The following GRM5 variants were observed in gnomAD, a reference collection of about 807,000 sequenced individuals.
The protein encoded by GRM5 is glutamate metabotropic receptor 5, also known as metabotropic glutamate receptor 5.
In GRM5, 19 loss-of-function variants were observed where a neutral mutation model predicts 83.1. That is an observed-to-expected ratio of 0.23 (90% confidence interval 0.16 to 0.34). The LOEUF is 0.34. Among genes scored for constraint, GRM5 ranks in the 10% least tolerant of loss-of-function variants. The pLI, the probability that GRM5 is intolerant of heterozygous loss-of-function variation, is 1.00. For synonymous variants in GRM5, 675 were observed against 633.6 expected (o/e 1.07, Z -0.98); for missense variants, 1,160 against 1,588.3 (o/e 0.73, Z 4.58).
intron 4 of GRM5, among the ~76,000 whole-genome samples, chr11:88,635,103 T>G (rs1318920053): frequency 6.6e-6 from 1 of 152,226 alleles, no homozygotes; most frequent in Non-Finnish European, 1.5e-5. Flanking sequence ...TTCCACCTCT[T>G]GGCTATTGCA....
intron 2 of GRM5, among the ~76,000 whole-genome samples, chr11:88,974,128 G>A (rs1939253479): frequency 6.6e-6 from 1 of 152,086 alleles, no homozygotes; most frequent in African/African-American, 2.4e-5. Flanking sequence ...AGAGAATAGA[G>A]AAAGATGATA....
chr11:88,718,075 A>G (rs924649507), intron 3 of GRM5, among the ~76,000 whole-genome samples: 5 of 151,874 alleles, frequency 3.3e-5, no homozygotes, highest in African/African-American at 1.2e-4. Context: ...GTTACCATAC[A>G]AGATCCTTTG....
intron 2 of GRM5, among the ~76,000 whole-genome samples, chr11:88,954,331 A>T (rs954603878): frequency 6.7e-6 from 1 of 149,292 alleles, no homozygotes; most frequent in African/African-American, 2.4e-5. Context: ...TAATACAGAG[A>T]TACCTGACAT....
At chr11:88,758,476 C>A (rs950804845) in intron 3 of GRM5, among the ~76,000 whole-genome samples, 1 of 152,070 alleles carries the variant, frequency 6.6e-6, no homozygotes, top group East Asian at 1.9e-4. Context: ...ATAGACCATA[C>A]TGAAGAAAGA....
intron 2 of GRM5, among the ~76,000 whole-genome samples, chr11:88,903,793 T>C (rs1945357693): frequency 6.6e-6 from 1 of 152,160 alleles, no homozygotes; most frequent in African/African-American, 2.4e-5. Flanking sequence ...ACTTAATAGG[T>C]ACAACGTACA....
intron 3 of GRM5, among the ~76,000 whole-genome samples, chr11:88,740,336 T>C (rs1048573373): frequency 1.3e-5 from 2 of 152,114 alleles, no homozygotes; most frequent in African/African-American, 4.8e-5. Context: ...TTTCTTTATA[T>C]TTAGTTATTT....
chr11:88,914,301 A>G (rs540674060), intron 2 of GRM5, among the ~76,000 whole-genome samples: 2 of 152,274 alleles, frequency 1.3e-5, no homozygotes, highest in African/African-American at 4.8e-5. Flanking sequence ...ATATGAAGAA[A>G]TAGTTCCTAC....
intron 2 of GRM5, among the ~76,000 whole-genome samples, chr11:88,955,959 T>C (rs1462437104): frequency 6.6e-6 from 1 of 152,240 alleles, no homozygotes; most frequent in African/African-American, 2.4e-5. Context: ...TAAGATAGGT[T>C]CTTAAATAAT....
chr11:88,790,724 A>T (rs1943158263), intron 3 of GRM5, among the ~76,000 whole-genome samples: 1 of 152,146 alleles, frequency 6.6e-6, no homozygotes, highest in Non-Finnish European at 1.5e-5. Context: ...CTTAGGCAAC[A>T]GAGGTAATGG....
At chr11:88,880,997 G>A (rs1456288877) in intron 2 of GRM5, among the ~76,000 whole-genome samples, 1 of 152,054 alleles carries the variant, frequency 6.6e-6, no homozygotes, top group Non-Finnish European at 1.5e-5. Flanking sequence ...TAAATGACAG[G>A]AATTATGGTA....
At chr11:88,785,993 C>A (rs1759913394) in intron 3 of GRM5, among the ~76,000 whole-genome samples, 1 of 152,060 alleles carries the variant, frequency 6.6e-6, no homozygotes, top group South Asian at 2.1e-4. Flanking sequence ...GTGTAAAAAT[C>A]TGCTAGTTCA....
At chr11:88,964,140 G>C (rs534074343) in intron 2 of GRM5, among the ~76,000 whole-genome samples, 1 of 152,176 alleles carries the variant, frequency 6.6e-6, no homozygotes, top group East Asian at 1.9e-4. Flanking sequence ...TGTAACTTAG[G>C]TTGAAAAATA....
intron 2 of GRM5, among the ~76,000 whole-genome samples, chr11:89,003,677 CTTATTA>C (rs148095335): frequency 0.098 from 14,886 of 151,994 alleles, 2,337 homozygotes; most frequent in African/African-American, 0.33. Context: ...ATTTAAACAA[CTTATTA>C]TTATTATTTT....
At chr11:88,709,495 G>A (rs866141390) in intron 3 of GRM5, among the ~76,000 whole-genome samples, 1 of 152,046 alleles carries the variant, frequency 6.6e-6, no homozygotes, top group African/African-American at 2.4e-5. Flanking sequence ...ACTACACTGA[G>A]GAGCAAAATG....
chr11:88,965,282 G>A (rs997947692), intron 2 of GRM5, among the ~76,000 whole-genome samples: 2 of 152,216 alleles, frequency 1.3e-5, no homozygotes, highest in East Asian at 1.9e-4. Context: ...TTTCTGGTGA[G>A]AGGCCTCTTG....
intron 8 of GRM5, among the ~76,000 whole-genome samples, chr11:88,550,064 G>A (rs1942471523): frequency 6.6e-6 from 1 of 152,080 alleles, no homozygotes; most frequent in Non-Finnish European, 1.5e-5. Flanking sequence ...TGTTAAGGAT[G>A]ACACAGGTTT....
intron 3 of GRM5, among the ~76,000 whole-genome samples, chr11:88,845,087 G>A (rs569172873): frequency 3.9e-5 from 6 of 152,288 alleles, no homozygotes; most frequent in African/African-American, 1.2e-4. Flanking sequence ...GTTCTAACGC[G>A]GGTAAAATGC....
intron 3 of GRM5, among the ~76,000 whole-genome samples, chr11:88,838,481 T>C (rs991066102): frequency 2.0e-5 from 3 of 152,156 alleles, no homozygotes; most frequent in African/African-American, 7.2e-5. Flanking sequence ...GATTGTTCAG[T>C]CCTGTCTGTG....
intron 4 of GRM5, among the ~76,000 whole-genome samples, chr11:88,640,229 C>T (rs929918127): frequency 3.9e-5 from 6 of 152,076 alleles, no homozygotes; most frequent in Admixed American, 2.6e-4. Context: ...GGCTTCTGAT[C>T]GGGATATTTT....
Sources: allele counts gnomAD v4.1 joint callset (sites outside exome capture counted in the v4.1 genomes callset), GRCh38; gene constraint gnomAD v4.1.1; transcripts MANE v1.5; gene names NCBI Gene and HGNC (gene_info 2026-07-23, HGNC 2026-07-21).